The following TSTD2 variants were observed in gnomAD, a reference collection of about 807,000 sequenced individuals.
TSTD2 encodes the protein thiosulfate sulfurtransferase/rhodanese-like domain-containing protein 2.
In TSTD2, 37 loss-of-function variants were observed where a neutral mutation model predicts 47.9. The ratio of observed to expected loss-of-function variants is 0.77; its 90% CI spans 0.59 to 1.02. The LOEUF is 1.02. Among genes scored for constraint, TSTD2 ranks in the 50% least tolerant of loss-of-function variants. The probability of loss-of-function intolerance (pLI) is 0.00; values close to 1 mark genes in which losing one functional copy is unlikely to be tolerated. For missense variants in TSTD2, 586 were observed against 616.0 expected (o/e 0.95, Z 0.52); for synonymous variants, 201 against 215.9 (o/e 0.93, Z 0.61).
intron 4 of TSTD2, 137 bp from the exon 5 acceptor site, chr9:97,611,836 C>T: frequency 3.7e-6 from 3 of 819,668 alleles, no homozygotes; most frequent in Non-Finnish European, 5.7e-6. Context: ...CAAAGTGTTA[C>T]TGGACAAAGA....
chr9:97,617,613 A>G, intron 4 of TSTD2, 144 bp downstream of exon 4: 1 of 1,080,246 alleles, frequency 9.3e-7, no homozygotes, highest in Non-Finnish European at 1.3e-6. Flanking sequence ...GCTGCCTAAT[A>G]TTCTACTTAA....
rs929495338 is a variant in TSTD2 at position 97,602,429 on chromosome 9, T to A, written c.*40A>T. Reference sequence around the variant, plus strand: ...TTTCTCTGTATAGTCACCCCAAACCTACTTTTACCGAGGGCCTGGGAAAAT... The same window carrying A: ...TTTCTCTGTATAGTCACCCCAAACCAACTTTTACCGAGGGCCTGGGAAAAT... On this transcript the variant is annotated 3_prime_UTR_variant, in exon 10 of 10. Coordinates refer to ENST00000341170, the MANE Select transcript of TSTD2 (RefSeq NM_139246.5). 4.5e-6 allele frequency: 7 copies of A among 1,545,918 alleles called. No individual in the cohort carries two copies. Among genetic ancestry groups the A allele is most frequent in the African/African-American group, 1.4e-5 (1 of 73,048 alleles).
intron 2 of TSTD2, 100 bp from the exon 3 acceptor site, chr9:97,626,097 T>A: frequency 8.4e-7 from 1 of 1,190,560 alleles, no homozygotes; most frequent in Non-Finnish European, 1.2e-6. Flanking sequence ...CCACAGGGGC[T>A]TCTAGTTTTA....
At chr9:97,606,339 T>A in intron 6 of TSTD2, 78 bp from the exon 7 acceptor site, 1 of 786,392 alleles carries the variant, frequency 1.3e-6, no homozygotes, top group Non-Finnish European at 2.1e-6. Context: ...CCAGCCTGAC[T>A]TACGTGTTGC....
At chr9:97,631,279 G>A (rs1826806025) in intron 1 of TSTD2, among the ~76,000 whole-genome samples, 1 of 151,880 alleles carries the variant, frequency 6.6e-6, no homozygotes, top group Non-Finnish European at 1.5e-5. Flanking sequence ...ACCACACGCA[G>A]CTAATTTTTG....
chr9:97,633,101 C>G (rs942366767), intron 1 of TSTD2, 142 bp downstream of exon 1: 1 of 153,382 alleles, frequency 6.5e-6, no homozygotes, highest in African/African-American at 2.4e-5. Flanking sequence ...GCGTCAGGGC[C>G]GGCCTTTCCA....
intron 4 of TSTD2, among the ~76,000 whole-genome samples, chr9:97,613,096 C>CAT (rs1421489958): frequency 1.3e-5 from 2 of 152,162 alleles, no homozygotes; most frequent in Non-Finnish European, 2.9e-5. Context: ...CACTCACTTG[C>CAT]ATGTAGCTGT....
chr9:97,602,852 C>T, intron 9 of TSTD2, 85 bp from the exon 10 acceptor site: 3 of 1,384,952 alleles, frequency 2.2e-6, no homozygotes, highest in Non-Finnish European at 2.9e-6. Context: ...TGACTAGAAT[C>T]TCGTAGATCC....
chr9:97,632,928 G>A (rs566275691), intron 1 of TSTD2, among the ~76,000 whole-genome samples: 2 of 152,236 alleles, frequency 1.3e-5, no homozygotes, highest in African/African-American at 2.4e-5. Flanking sequence ...AGATAAGCCA[G>A]TATGGTGCTC....
chr9:97,608,937 T>C (rs569273065), intron 6 of TSTD2, among the ~76,000 whole-genome samples: 1 of 152,188 alleles, frequency 6.6e-6, no homozygotes, highest in East Asian at 1.9e-4. Context: ...ACCAGACCTT[T>C]GTGCTTCCTG....
intron 3 of TSTD2, 137 bp from the exon 4 acceptor site, chr9:97,618,014 TCTC>T (rs769391755): frequency 8.3e-6 from 10 of 1,198,304 alleles, no homozygotes; most frequent in East Asian, 2.6e-5. Flanking sequence ...TGATGATTGT[TCTC>T]CTCCTGAAAT....
chr9:97,611,734 G>A (rs1587978112), intron 4 of TSTD2, 35 bp from the exon 5 acceptor site: 1 of 1,581,200 alleles, frequency 6.3e-7, no homozygotes, highest in Non-Finnish European at 8.7e-7. Flanking sequence ...AGAACAGATT[G>A]TTCTTAGCTT....
chr9:97,608,052 G>C (rs575532805), intron 6 of TSTD2, among the ~76,000 whole-genome samples: 1 of 152,030 alleles, frequency 6.6e-6, no homozygotes, highest in South Asian at 2.1e-4. Flanking sequence ...GCGTGGTGGC[G>C]CATGCCTGTA....
intron 4 of TSTD2, among the ~76,000 whole-genome samples, chr9:97,615,086 A>G (rs1212199523): frequency 6.6e-6 from 1 of 152,178 alleles, no homozygotes; most frequent in African/African-American, 2.4e-5. Flanking sequence ...TTTCTAATTT[A>G]TTTTAATCTC....
intron 3 of TSTD2, among the ~76,000 whole-genome samples, chr9:97,621,283 G>A (rs149803816): frequency 0.014 from 2,205 of 152,124 alleles, 102 homozygotes; most frequent in East Asian, 0.13. Context: ...TCTTAATCCC[G>A]TCATCTTCAT....
chr9:97,615,194 T>C (rs1361823517), intron 4 of TSTD2, among the ~76,000 whole-genome samples: 1 of 152,260 alleles, frequency 6.6e-6, no homozygotes, highest in Non-Finnish European at 1.5e-5. Flanking sequence ...CAGGATTCTC[T>C]AACAGAAATC....
In TSTD2 at chr9:97,602,517, G is replaced by A. The variant is rs1405760927; in HGVS notation, c.1503C>T (p.Ser501=). The change falls in exon 10 of 10, where the codon AGC becomes AGT. Residue 501 remains serine, a synonymous_variant. Transcript: ENST00000341170. ...CATCAGCATCAGGCCCTGGCTCTGG[G>A]CTCACAGGCTGTCGCACATGCTGCA... ...ELLQHVRQPV[S]PEPGPDADED... is the part of the protein sequence containing the mutation. 4.3e-6 allele frequency: 7 copies of A among 1,613,828 alleles called. No homozygotes were observed. In the Admixed American group the frequency reaches 8.3e-5, roughly 19 times the overall value.
Position 97,603,159 on chromosome 9 carries a change from A to G in TSTD2, c.1253-392T>C, listed in dbSNP as rs182001316. ...TGTTCCCTTTTCCAGGGGGGACAAC[A>G]CACCTAAATACAGGCGATAACCCAC... is the stretch of plus-strand genomic sequence containing the variant. On this transcript the variant is annotated intron_variant, in intron 9 of 9. Coordinates refer to ENST00000341170, the MANE Select transcript of TSTD2 (RefSeq NM_139246.5). 68 of 194,654 alleles carry G rather than the reference A, an allele frequency of 3.5e-4. No individual in the cohort carries two copies. In the Middle Eastern group the frequency reaches 7.1e-3, roughly 20 times the overall value. 12.1% of individuals were successfully genotyped at this position (194,654 alleles called of 1,614,324 possible). A position where few individuals can be genotyped will look rare whatever the true frequency, so the allele number is the denominator to read the frequency against.
At chr9:97,609,785 T>C (rs1330707330) in intron 6 of TSTD2, among the ~76,000 whole-genome samples, 1 of 152,228 alleles carries the variant, frequency 6.6e-6, no homozygotes, top group Non-Finnish European at 1.5e-5. Context: ...GAGCTGGCCA[T>C]TAATCAGTTA....
Sources: gnomAD v4.1 joint callset for allele counts (sites outside exome capture counted in the v4.1 genomes callset) on GRCh38, gnomAD v4.1.1 for gene constraint, MANE v1.5 for transcripts, NCBI Gene and HGNC (gene_info 2026-07-23, HGNC 2026-07-21) for gene names.